PRDM16: variants seen among roughly 807,000 people sequenced by gnomAD.
PRDM16 encodes the protein PR/SET domain 16.
In PRDM16, 23 loss-of-function variants were observed where a neutral mutation model predicts 110.6. That is an observed-to-expected ratio of 0.21 (90% CI 0.15 to 0.29). PRDM16 has a LOEUF of 0.29. PRDM16 is among the 10% of genes least tolerant of loss of function. The pLI is 1.00. For synonymous variants in PRDM16, 799 were observed against 781.8 expected, an observed-to-expected ratio of 1.02 and a Z score of -0.37; for missense variants, 1,615 against 1,794.3, an observed-to-expected ratio of 0.90 and a Z score of 1.81.
intron 1 of PRDM16, among the ~76,000 whole-genome samples, chr1:3,172,787 G>A (rs893123163): frequency 6.6e-6 from 1 of 152,200 alleles, no homozygotes; most frequent in African/African-American, 2.4e-5. Context: ...GCCGGGGCTG[G>A]GGGAGGGGAT....
chr1:3,084,327 A>G (rs1038052376), intron 1 of PRDM16, among the ~76,000 whole-genome samples: 12 of 152,268 alleles, frequency 7.9e-5, no homozygotes, highest in Admixed American at 7.8e-4. Context: ...TCAAAGGGAC[A>G]TTCGATCTGA....
At chr1:3,318,988 A>G (rs1051822696) in intron 3 of PRDM16, among the ~76,000 whole-genome samples, 3 of 152,240 alleles carry the variant, frequency 2.0e-5, no homozygotes, top group African/African-American at 7.2e-5. Flanking sequence ...GGCTACAAAC[A>G]TGGCGTGACA....
chr1:3,253,289 G>A (rs1639978769), intron 3 of PRDM16, among the ~76,000 whole-genome samples: 1 of 151,470 alleles, frequency 6.6e-6, no homozygotes, highest in Non-Finnish European at 1.5e-5. Context: ...CATGTGCCAT[G>A]CTGGTGTGCT....
chr1:3,150,868 G>T (rs1235976329), intron 1 of PRDM16, among the ~76,000 whole-genome samples: 1 of 142,798 alleles, frequency 7.0e-6, no homozygotes, highest in Admixed American at 6.9e-5. Context: ...GCCGGGTGGG[G>T]GCGGGGGGGC....
intron 8 of PRDM16, among the ~76,000 whole-genome samples, chr1:3,407,705 G>A (rs779343912): frequency 2.0e-5 from 3 of 152,146 alleles, no homozygotes; most frequent in Non-Finnish European, 4.4e-5. Context: ...CCGTTGCATC[G>A]CTTTAATGAT....
At chr1:3,187,166 G>A (rs1341550387) in intron 2 of PRDM16, among the ~76,000 whole-genome samples, 1 of 152,208 alleles carries the variant, frequency 6.6e-6, no homozygotes, top group Non-Finnish European at 1.5e-5. Context: ...GGGACGCTAG[G>A]CCCCGGTGTT....
At chr1:3,114,217 GAACA>G (rs1557456162) in intron 1 of PRDM16, among the ~76,000 whole-genome samples, 1,286 of 90,128 alleles carry the variant, frequency 0.014, 26 homozygotes, top group African/African-American at 0.065. Flanking sequence ...ACACGCACAC[GAACA>G]CACACGCACA....
intron 1 of PRDM16, among the ~76,000 whole-genome samples, chr1:3,111,134 C>A (rs534463898): frequency 8.5e-5 from 13 of 152,256 alleles, no homozygotes; most frequent in African/African-American, 2.6e-4. Flanking sequence ...ATTCCCAGGG[C>A]AGGCCCCTAG....
rs75674300 is a variant in PRDM16 at position 3,432,569 on chromosome 1, C to T, written c.3696+429C>T. On this transcript the variant is annotated intron_variant, in intron 16 of 16. Transcript: ENST00000270722. ...TGCTTCCCAGCTGGAGCAATGAGGT[C>T]AGCGAGGGTGCCAGGGTTTTGGCCC... Among the ~76,000 whole-genome samples the T allele has an allele frequency of 9.9e-3, 1,504 of 152,338 alleles. 29 individuals are homozygous for T. Among genetic ancestry groups the T allele is most frequent in the African/African-American group, 0.035 (1,440 of 41,584 alleles).
chr1:3,410,615 G>A (rs1312519251), intron 8 of PRDM16, among the ~76,000 whole-genome samples: 2 of 152,178 alleles, frequency 1.3e-5, no homozygotes, highest in African/African-American at 4.8e-5. Context: ...TGCCTTCTCC[G>A]GGGTGCAGGC....
intron 3 of PRDM16, among the ~76,000 whole-genome samples, chr1:3,332,631 A>C (rs529789827): frequency 6.6e-6 from 1 of 152,068 alleles, no homozygotes; most frequent in South Asian, 2.1e-4. Flanking sequence ...ATTCGGTGAC[A>C]TTTAGCACAT....
At chr1:3,191,587 A>G (rs1198211077) in intron 2 of PRDM16, among the ~76,000 whole-genome samples, 1 of 152,238 alleles carries the variant, frequency 6.6e-6, no homozygotes, top group Non-Finnish European at 1.5e-5. Flanking sequence ...CCCAGCCTTG[A>G]AGAAAGGCAG....
At chr1:3,192,916 T>G (rs954454578) in intron 2 of PRDM16, among the ~76,000 whole-genome samples, 18 of 152,154 alleles carry the variant, frequency 1.2e-4, no homozygotes, top group African/African-American at 4.3e-4. Flanking sequence ...CCTTGGCCCC[T>G]CTCTGGGACT....
rs1412454555 is a variant in PRDM16 at position 3,412,060 on chromosome 1, G to A, written c.1863G>A (p.Thr621=). 1.6e-5 allele frequency: 25 copies of A among 1,608,978 alleles called. No individual in the cohort carries two copies. The highest frequency in any genetic ancestry group is 4.5e-5 in the East Asian group (2 of 44,800). ...CCGACCTGGACACGACCACGGGGACGGGCTCGGACCTGGACAGCGACGTGG... is the reference window on the plus strand; with the variant it reads ...CCGACCTGGACACGACCACGGGGACAGGCTCGGACCTGGACAGCGACGTGG... ...TGTDLDTTTG[T]GSDLDSDVDS... The change falls in exon 9 of 17, where the codon ACG becomes ACA. Residue 621 remains threonine (T), a synonymous_variant. Coordinates refer to ENST00000270722, the MANE Select transcript of PRDM16 (RefSeq NM_022114.4).
At chr1:3,362,343 G>A (rs559192858) in intron 3 of PRDM16, among the ~76,000 whole-genome samples, 4 of 152,216 alleles carry the variant, frequency 2.6e-5, no homozygotes, top group East Asian at 1.9e-4. Context: ...ACACCCAGGC[G>A]TCCTTCCACC....
At chr1:3,319,793 C>T (rs1456178251) in intron 3 of PRDM16, among the ~76,000 whole-genome samples, 4 of 152,214 alleles carry the variant, frequency 2.6e-5, no homozygotes, top group Non-Finnish European at 5.9e-5. Context: ...AGCCATTGTT[C>T]ACCAGCAGGT....
intron 3 of PRDM16, among the ~76,000 whole-genome samples, chr1:3,349,176 G>A (rs948424412): frequency 3.3e-5 from 5 of 152,212 alleles, no homozygotes; most frequent in African/African-American, 4.8e-5. Flanking sequence ...ACCTCCGTCC[G>A]CATAGTGCCC....
Position 3,188,661 on chromosome 1 carries a change from C to T in PRDM16, c.387+2187C>T, listed in dbSNP as rs188494424. Among the ~76,000 whole-genome samples, 299 of 152,324 alleles carry T rather than the reference C, an allele frequency of 2.0e-3. 1 individual carries two copies. The highest frequency in any genetic ancestry group is 3.4e-3 in the Middle Eastern group (1 of 294). ...GCGCACCCGGCAGGATCTCGCCTGA[C>T]CTTGTTTTCCTTGCGAGTTCGGGCA... On this transcript the variant is annotated intron_variant, in intron 2 of 16. Coordinates refer to ENST00000270722, the MANE Select transcript of PRDM16 (RefSeq NM_022114.4).
intron 2 of PRDM16, among the ~76,000 whole-genome samples, chr1:3,193,824 G>A (rs1638381635): frequency 6.6e-6 from 1 of 152,202 alleles, no homozygotes; most frequent in African/African-American, 2.4e-5. Context: ...CAGAGGCTGG[G>A]GGCTGCGGGC....
Sources: gnomAD v4.1 joint callset for allele counts (sites outside exome capture counted in the v4.1 genomes callset) on GRCh38, gnomAD v4.1.1 for gene constraint, MANE v1.5 for transcripts, NCBI Gene and HGNC (gene_info 2026-07-23, HGNC 2026-07-21) for gene names.